Variants in ABTB3 observed in about 807,000 individuals in gnomAD.
The protein encoded by ABTB3 is ankyrin repeat- and BTB/POZ domain-containing protein 3.
chr12:107,585,452 C>G, the ABTB3 span, among the ~76,000 whole-genome samples: 2 of 152,200 alleles, frequency 1.3e-5, no homozygotes, highest in African/African-American at 4.8e-5. Context: ...TACAGATGCT[C>G]TCATCTAGGT....
At chr12:107,589,914 T>A in the ABTB3 span, among the ~76,000 whole-genome samples, 1 of 152,106 alleles carries the variant, frequency 6.6e-6, no homozygotes, top group African/African-American at 2.4e-5. Context: ...CCTGGACTAA[T>A]TTTTTTTCTT....
At chr12:107,584,774 G>C in the ABTB3 span, among the ~76,000 whole-genome samples, 1 of 152,210 alleles carries the variant, frequency 6.6e-6, no homozygotes, top group African/African-American at 2.4e-5. Context: ...TTTTCAGAGT[G>C]ACCTTGATCA....
chr12:107,442,269 G>A, the ABTB3 span, among the ~76,000 whole-genome samples: 1 of 152,170 alleles, frequency 6.6e-6, no homozygotes, highest in Non-Finnish European at 1.5e-5. Context: ...AATTAAGCAA[G>A]AAGTTTTCAG....
At chr12:107,525,950 A>G in the ABTB3 span, among the ~76,000 whole-genome samples, 2 of 152,242 alleles carry the variant, frequency 1.3e-5, no homozygotes, top group East Asian at 3.8e-4. Context: ...CCACTCAGCT[A>G]GTAAGTGGCA....
At chr12:107,470,170 C>A in the ABTB3 span, among the ~76,000 whole-genome samples, 1 of 151,632 alleles carries the variant, frequency 6.6e-6, no homozygotes, top group Non-Finnish European at 1.5e-5. Context: ...TCCCAAATAG[C>A]TGGGATTACA....
chr12:107,512,784 A>C, the ABTB3 span, among the ~76,000 whole-genome samples: 1 of 152,244 alleles, frequency 6.6e-6, no homozygotes, highest in African/African-American at 2.4e-5. Flanking sequence ...AAGTAGAGAT[A>C]ATAATGGCAA....
the ABTB3 span, among the ~76,000 whole-genome samples, chr12:107,624,007 A>C: frequency 3.0e-4 from 46 of 152,170 alleles, no homozygotes; most frequent in Admixed American, 2.9e-3. Flanking sequence ...GGGCAAAAGC[A>C]TTCCATGTCA....
chr12:107,517,704 G>T, the ABTB3 span, among the ~76,000 whole-genome samples: 2 of 152,094 alleles, frequency 1.3e-5, no homozygotes, highest in African/African-American at 4.8e-5. Context: ...ATAGGAATAG[G>T]CAAGGACTTC....
the ABTB3 span, among the ~76,000 whole-genome samples, chr12:107,505,966 G>C: frequency 0.11 from 16,574 of 152,084 alleles, 1,298 homozygotes; most frequent in East Asian, 0.25. Context: ...CCATGTCTTT[G>C]CTATTGTGAA....
the ABTB3 span, chr12:107,319,513 G>A: frequency 1.9e-6 from 3 of 1,576,316 alleles, no homozygotes; most frequent in East Asian, 2.3e-5. Flanking sequence ...TCTACAACAT[G>A]AGCAGCGCCG....
the ABTB3 span, among the ~76,000 whole-genome samples, chr12:107,551,862 C>A: frequency 1.3e-5 from 2 of 152,032 alleles, no homozygotes; most frequent in Non-Finnish European, 2.9e-5. Context: ...AAGTGATTCT[C>A]GTGCCTCAGC....
the ABTB3 span, among the ~76,000 whole-genome samples, chr12:107,490,385 G>A: frequency 2.0e-5 from 3 of 152,176 alleles, no homozygotes; most frequent in Non-Finnish European, 4.4e-5. Context: ...ATTGGAGAGG[G>A]CATCTTCTAT....
At chr12:107,581,679 C>T in the ABTB3 span, among the ~76,000 whole-genome samples, 3 of 152,174 alleles carry the variant, frequency 2.0e-5, no homozygotes, top group Non-Finnish European at 4.4e-5. Context: ...CTGGCTGGGT[C>T]AGAGAGCGCC....
the ABTB3 span, among the ~76,000 whole-genome samples, chr12:107,339,231 G>A: frequency 5.9e-5 from 9 of 152,218 alleles, no homozygotes; most frequent in East Asian, 1.9e-4. Flanking sequence ...GGCCCAGCCC[G>A]ATCAAGCTCT....
the ABTB3 span, among the ~76,000 whole-genome samples, chr12:107,342,350 G>T: frequency 6.6e-6 from 1 of 152,052 alleles, no homozygotes; most frequent in African/African-American, 2.4e-5. Context: ...AGAGAGCTGA[G>T]GTGTAGTTGG....
At chr12:107,482,053 A>C in the ABTB3 span, among the ~76,000 whole-genome samples, 3 of 152,080 alleles carry the variant, frequency 2.0e-5, no homozygotes, top group Non-Finnish European at 4.4e-5. Flanking sequence ...AGCCCAAAGC[A>C]GAAAGGAGGG....
chr12:107,560,896 T>C, the ABTB3 span, among the ~76,000 whole-genome samples: 4 of 152,230 alleles, frequency 2.6e-5, no homozygotes, highest in East Asian at 7.7e-4. Context: ...TGTCTAATTC[T>C]GGATTTTAAA....
At chr12:107,614,975 CAT>C in the ABTB3 span, 1 of 1,131,056 alleles carries the variant, frequency 8.8e-7, no homozygotes, top group East Asian at 2.5e-5. Flanking sequence ...ATCTCTAGCC[CAT>C]GTGCCCAGCC....
the ABTB3 span, chr12:107,617,098 G>T: frequency 6.2e-7 from 1 of 1,614,084 alleles, no homozygotes; most frequent in Non-Finnish European, 8.5e-7. Flanking sequence ...GCTCCTCCTG[G>T]ATGCTGGGGC....
Sources: gnomAD v4.1 joint callset for allele counts (sites outside exome capture counted in the v4.1 genomes callset) on GRCh38, gnomAD v4.1.1 for gene constraint, MANE v1.5 for transcripts, NCBI Gene and HGNC (gene_info 2026-07-23, HGNC 2026-07-21) for gene names.